Variants in NELL1 observed in about 807,000 individuals in gnomAD.
NELL1 encodes the protein protein kinase C-binding protein NELL1.
NELL1 carries 76 observed loss-of-function variants against 107.4 expected under a neutral mutation model. The ratio of observed to expected loss-of-function variants is 0.71; its 90% CI spans 0.59 to 0.86. The LOEUF is 0.86. NELL1 is among the 40% of genes least tolerant of loss of function. The pLI is 0.00. For synonymous variants in NELL1, 353 were observed against 341.2 expected (o/e 1.03, Z -0.38); for missense variants, 1,024 against 1,005.5 (o/e 1.02, Z -0.25).
intron 10 of NELL1, among the ~76,000 whole-genome samples, chr11:20,941,329 G>A (rs1349496395): frequency 6.6e-6 from 1 of 152,212 alleles, no homozygotes; most frequent in Admixed American, 6.5e-5. Flanking sequence ...TGGAGGATAA[G>A]AGGGTGAGTC....
At chr11:21,377,522 T>G (rs964940992) in intron 15 of NELL1, among the ~76,000 whole-genome samples, 2 of 152,078 alleles carry the variant, frequency 1.3e-5, no homozygotes, top group African/African-American at 4.8e-5. Context: ...TCATTGTACC[T>G]TTGTCAGGTT....
At chr11:20,704,915 G>A (rs1005624739) in intron 2 of NELL1, among the ~76,000 whole-genome samples, 2 of 152,132 alleles carry the variant, frequency 1.3e-5, no homozygotes, top group African/African-American at 4.8e-5. Flanking sequence ...ATTCACAATT[G>A]CTTCAAAGAG....
At chr11:20,688,974 G>C (rs563415049) in intron 2 of NELL1, among the ~76,000 whole-genome samples, 2 of 152,268 alleles carry the variant, frequency 1.3e-5, no homozygotes, top group Middle Eastern at 3.4e-3. Context: ...ACAGGTGTGA[G>C]ATGGTATCTC....
intron 13 of NELL1, among the ~76,000 whole-genome samples, chr11:21,214,210 A>C (rs1452148677): frequency 2.0e-5 from 3 of 152,190 alleles, no homozygotes; most frequent in African/African-American, 7.2e-5. Context: ...CAAAAATTTG[A>C]AATCCGAAAT....
chr11:21,085,654 C>T (rs907993922), intron 12 of NELL1, among the ~76,000 whole-genome samples: 5 of 151,782 alleles, frequency 3.3e-5, no homozygotes, highest in East Asian at 1.9e-4. Flanking sequence ...AAACAAAAAA[C>T]GATTTTCTAG....
At chr11:21,110,540 T>A (rs1227237295) in intron 12 of NELL1, among the ~76,000 whole-genome samples, 1 of 152,106 alleles carries the variant, frequency 6.6e-6, no homozygotes, top group Non-Finnish European at 1.5e-5. Context: ...AGCAGCTTGG[T>A]GATGGCCTAA....
At chr11:21,339,409 C>T (rs1018697907) in intron 14 of NELL1, among the ~76,000 whole-genome samples, 4 of 152,172 alleles carry the variant, frequency 2.6e-5, no homozygotes, top group African/African-American at 9.7e-5. Context: ...CTGACAACAG[C>T]TTGATTTCAG....
At chr11:21,538,152 A>G (rs1856186314) in intron 16 of NELL1, among the ~76,000 whole-genome samples, 1 of 152,106 alleles carries the variant, frequency 6.6e-6, no homozygotes, top group Non-Finnish European at 1.5e-5. Context: ...GCATATACTC[A>G]GCTATGTTTT....
intron 14 of NELL1, among the ~76,000 whole-genome samples, chr11:21,264,679 G>A (rs1791835): frequency 0.91 from 137,466 of 151,860 alleles, 62,363 homozygotes; most frequent in Non-Finnish European, 0.93. Context: ...ATGAATTTGG[G>A]GCTAATTGAA....
intron 12 of NELL1, among the ~76,000 whole-genome samples, chr11:21,020,263 G>A (rs1396860916): frequency 2.0e-5 from 3 of 152,094 alleles, no homozygotes; most frequent in Non-Finnish European, 4.4e-5. Context: ...ACATTATTGT[G>A]TGGTTCTCAT....
At chr11:20,726,555 A>C (rs1033164295) in intron 2 of NELL1, among the ~76,000 whole-genome samples, 1 of 152,176 alleles carries the variant, frequency 6.6e-6, no homozygotes, top group Non-Finnish European at 1.5e-5. Context: ...TTAAAAAAAA[A>C]ACACTCAATA....
chr11:20,875,223 C>T (rs987981892), intron 4 of NELL1, among the ~76,000 whole-genome samples: 7 of 152,196 alleles, frequency 4.6e-5, no homozygotes, highest in African/African-American at 9.6e-5. Flanking sequence ...CCTTAGATCT[C>T]ACATTCTGTT....
At chr11:20,810,370 CCT>C (rs1230266105) in intron 3 of NELL1, among the ~76,000 whole-genome samples, 1 of 152,090 alleles carries the variant, frequency 6.6e-6, no homozygotes, top group East Asian at 1.9e-4. Flanking sequence ...TCCCTCACCC[CCT>C]CTCACTCGTC....
intron 15 of NELL1, among the ~76,000 whole-genome samples, chr11:21,498,381 T>C (rs1855044702): frequency 6.8e-6 from 1 of 147,580 alleles, no homozygotes; most frequent in South Asian, 2.1e-4. Flanking sequence ...ACATATAATT[T>C]TTGTTTGTAT....
chr11:20,961,362 C>T (rs1851287163), intron 12 of NELL1, among the ~76,000 whole-genome samples: 1 of 152,160 alleles, frequency 6.6e-6, no homozygotes, highest in Non-Finnish European at 1.5e-5. Flanking sequence ...TCCCTTCCAT[C>T]AGTTTGCAAA....
chr11:21,452,930 TA>T (rs1285309638), intron 15 of NELL1, among the ~76,000 whole-genome samples: 29 of 152,086 alleles, frequency 1.9e-4, no homozygotes, highest in African/African-American at 6.5e-4. Context: ...TAGTGAATTA[TA>T]TTGTAGGATT....
At chr11:20,711,552 G>T (rs2133896393) in intron 2 of NELL1, among the ~76,000 whole-genome samples, 1 of 152,030 alleles carries the variant, frequency 6.6e-6, no homozygotes, top group Non-Finnish European at 1.5e-5. Context: ...ACTCCTTTTA[G>T]CATTTCTTGT....
At chr11:21,296,998 T>A (rs1849388659) in intron 14 of NELL1, among the ~76,000 whole-genome samples, 1 of 151,440 alleles carries the variant, frequency 6.6e-6, no homozygotes, top group Admixed American at 6.6e-5. Flanking sequence ...GGTCTAGAAT[T>A]TTTTTTCATT....
intron 13 of NELL1, among the ~76,000 whole-genome samples, chr11:21,183,733 A>G (rs531113691): frequency 3.9e-5 from 6 of 151,912 alleles, no homozygotes; most frequent in African/African-American, 1.5e-4. Flanking sequence ...GAATATAACT[A>G]GTGGGAACCA....
Sources: allele counts gnomAD v4.1 joint callset (sites outside exome capture counted in the v4.1 genomes callset), GRCh38; gene constraint gnomAD v4.1.1; transcripts MANE v1.5; gene names NCBI Gene and HGNC (gene_info 2026-07-23, HGNC 2026-07-21).